Variants in PRIM2 observed in about 807,000 individuals in gnomAD.
The protein encoded by PRIM2 is DNA primase subunit 2, also known as DNA primase large subunit.
A neutral mutation model predicts 67.3 loss-of-function variants in PRIM2; 39 were observed. The observed-to-expected ratio is 0.58, with a 90% CI of 0.45 to 0.76. The LOEUF (loss-of-function observed/expected upper bound fraction) is 0.76, where lower values mean the gene tolerates loss of function less well. Ranked by LOEUF, PRIM2 falls within the 30% of genes least tolerant of loss-of-function variation. The pLI, the probability that PRIM2 is intolerant of heterozygous loss-of-function variation, is 0.00. For missense variants in PRIM2, 398 were observed against 598.7 expected (o/e 0.66, Z 3.50); for synonymous variants, 143 against 198.7 (o/e 0.72, Z 2.36).
chr6:57,631,038 A>G (rs1777030539), intron 12 of PRIM2, among the ~76,000 whole-genome samples: 6 of 152,230 alleles, frequency 3.9e-5, no homozygotes, highest in Admixed American at 2.6e-4. Context: ...CACGAAATTC[A>G]GAAATGTAAT....
upstream of PRIM2, among the ~76,000 whole-genome samples, chr6:57,309,845 A>G (rs1189986022): frequency 1.3e-5 from 2 of 152,202 alleles, no homozygotes; most frequent in Non-Finnish European, 2.9e-5. Context: ...CTGACTTTTT[A>G]ATGATTGCCA....
the PRIM2 span, among the ~76,000 whole-genome samples, chr6:57,251,038 TGTA>T: frequency 6.6e-6 from 1 of 152,182 alleles, no homozygotes; most frequent in African/African-American, 2.4e-5. Context: ...ATACTCAACC[TGTA>T]GTTGTTTTTA....
At chr6:57,570,695 T>C (rs1167586263) in intron 10 of PRIM2, among the ~76,000 whole-genome samples, 27 of 152,278 alleles carry the variant, frequency 1.8e-4, no homozygotes, top group African/African-American at 6.0e-4. Flanking sequence ...AATAAATAGC[T>C]ATTATTATGG....
chr6:57,509,841 T>C (rs1250516274), intron 8 of PRIM2, among the ~76,000 whole-genome samples: 1 of 148,918 alleles, frequency 6.7e-6, no homozygotes, highest in East Asian at 1.9e-4. Context: ...ATGTATTTAA[T>C]ATAATTTTAA....
intron 7 of PRIM2, among the ~76,000 whole-genome samples, chr6:57,447,288 G>A (rs2894862): frequency 1.3e-5 from 2 of 152,160 alleles, no homozygotes; most frequent in Admixed American, 1.3e-4. Flanking sequence ...TTTAGTATGA[G>A]ATGCTAAACC....
At chr6:57,544,806 C>T (rs1431413716) in intron 10 of PRIM2, among the ~76,000 whole-genome samples, 2 of 152,110 alleles carry the variant, frequency 1.3e-5, no homozygotes, top group Non-Finnish European at 2.9e-5. Context: ...AGAACAGTGC[C>T]TGACTCATAG....
intron 7 of PRIM2, among the ~76,000 whole-genome samples, chr6:57,446,876 G>T (rs1772385606): frequency 6.6e-6 from 1 of 152,148 alleles, no homozygotes; most frequent in Non-Finnish European, 1.5e-5. Context: ...ATGATGGAAG[G>T]GAAGGTAGAA....
chr6:57,573,099 T>C (rs1775892505), intron 10 of PRIM2, among the ~76,000 whole-genome samples: 1 of 152,358 alleles, frequency 6.6e-6, no homozygotes, highest in Admixed American at 6.5e-5. Flanking sequence ...GCTGGGATTA[T>C]ATGCTTGAGC....
intron 12 of PRIM2, among the ~76,000 whole-genome samples, chr6:57,609,938 C>T (rs1385728763): frequency 0.017 from 2,660 of 152,040 alleles, 85 homozygotes; most frequent in African/African-American, 0.061. Flanking sequence ...AAACTCCAAG[C>T]GTACATTAAA....
chr6:57,549,304 C>T (rs1195639543), intron 10 of PRIM2, among the ~76,000 whole-genome samples: 22 of 152,182 alleles, frequency 1.4e-4, no homozygotes, highest in African/African-American at 2.9e-4. Flanking sequence ...TATCTTCGTT[C>T]GATGGAGAGT....
intron 7 of PRIM2, among the ~76,000 whole-genome samples, chr6:57,408,908 C>G (rs7772676): frequency 6.6e-6 from 1 of 152,184 alleles, no homozygotes. Context: ...GACAGGGTCT[C>G]GCTGTGTTTC....
At chr6:57,424,993 GAATGAATA>G (rs1336796070) in intron 7 of PRIM2, among the ~76,000 whole-genome samples, 9 of 152,040 alleles carry the variant, frequency 5.9e-5, no homozygotes, top group Admixed American at 5.2e-4. Context: ...AATACCAAAT[GAATGAATA>G]AATGAATAAA....
intron 7 of PRIM2, among the ~76,000 whole-genome samples, chr6:57,412,281 A>G (rs1173250219): frequency 2.0e-5 from 3 of 152,106 alleles, no homozygotes; most frequent in East Asian, 1.9e-4. Context: ...TGTGTAATCT[A>G]TCACATGGAT....
intron 8 of PRIM2, among the ~76,000 whole-genome samples, chr6:57,527,595 A>G (rs1185942581): frequency 4.6e-5 from 7 of 152,186 alleles, no homozygotes; most frequent in Non-Finnish European, 8.8e-5. Context: ...TTGTTTCTCA[A>G]GTGTAAACTG....
Position 57,545,618 on chromosome 6 carries a change from G to C in PRIM2, c.1020+7993G>C, listed in dbSNP as rs1336080347. Among the ~76,000 whole-genome samples the C allele has an allele frequency of 4.7e-4, 72 of 152,096 alleles. 1 individual carries two copies. The East Asian group carries it at 0.014, about 29-fold the overall frequency. Reference sequence around the variant, plus strand: ...GCTAATTTTTTTTGTATTTTTAGTAGAGGTGGGGTTTCTTCATGTTGATCA... The same window carrying C: ...GCTAATTTTTTTTGTATTTTTAGTACAGGTGGGGTTTCTTCATGTTGATCA... On this transcript the variant is annotated intron_variant, in intron 10 of 13. Coordinates refer to ENST00000615550, the MANE Select transcript of PRIM2 (RefSeq NM_000947.5).
upstream of PRIM2, among the ~76,000 whole-genome samples, chr6:57,310,631 C>T (rs554872320): frequency 1.5e-4 from 23 of 151,628 alleles, 1 homozygote; most frequent in South Asian, 4.0e-3. Context: ...ACATCCCAGA[C>T]GGGGTGGCGG....
At chr6:57,470,836 T>G (rs1171140574) in intron 7 of PRIM2, among the ~76,000 whole-genome samples, 1 of 152,164 alleles carries the variant, frequency 6.6e-6, no homozygotes, top group African/African-American at 2.4e-5. Context: ...CCATGCTTTC[T>G]TCTCAGCGTT....
upstream of PRIM2, among the ~76,000 whole-genome samples, chr6:57,310,646 G>C (rs1205016697): frequency 6.6e-6 from 1 of 151,984 alleles, no homozygotes; most frequent in African/African-American, 2.4e-5. Context: ...TGGCGGCCGG[G>C]CAGAGGCGCT....
At chr6:57,361,131 G>A (rs1279603570) in intron 5 of PRIM2, among the ~76,000 whole-genome samples, 2 of 152,124 alleles carry the variant, frequency 1.3e-5, no homozygotes, top group Non-Finnish European at 2.9e-5. Context: ...GCTGATAGGA[G>A]CTCTTATATT....
Sources: allele counts gnomAD v4.1 joint callset (sites outside exome capture counted in the v4.1 genomes callset), GRCh38; gene constraint gnomAD v4.1.1; transcripts MANE v1.5; gene names NCBI Gene and HGNC (gene_info 2026-07-23, HGNC 2026-07-21).